AKAP9: variants seen among roughly 807,000 people sequenced by gnomAD.
AKAP9 encodes A-kinase anchoring protein 9.
Under a neutral mutation model 488.5 loss-of-function variants are expected in AKAP9, and 311 were observed. The observed-to-expected ratio is 0.64, with a 90% CI of 0.58 to 0.70. The LOEUF (loss-of-function observed/expected upper bound fraction) is 0.70, where lower values mean the gene tolerates loss of function less well. Ranked by LOEUF, AKAP9 falls within the 30% of genes least tolerant of loss-of-function variation. AKAP9 has a pLI of 0.00. For synonymous variants in AKAP9, 1,462 were observed against 1,483.5 expected (o/e 0.99, Z 0.33); for missense variants, 4,215 against 4,374.5 (o/e 0.96, Z 1.03).
intron 44 of AKAP9, 168 bp downstream of exon 44, chr7:92,100,037 T>C (rs1817264900): frequency 3.3e-6 from 2 of 609,072 alleles, no homozygotes; most frequent in East Asian, 3.0e-5. Context: ...TACTAAGTTA[T>C]AATAATTACT....
At chr7:92,070,525 C>T (rs180850430) in intron 27 of AKAP9, among the ~76,000 whole-genome samples, 6 of 152,048 alleles carry the variant, frequency 3.9e-5, no homozygotes, top group Admixed American at 3.9e-4. Context: ...ACCTCCACCT[C>T]CCGAGTTCAA....
intron 3 of AKAP9, among the ~76,000 whole-genome samples, chr7:91,981,019 A>G (rs1796348337): frequency 6.6e-6 from 1 of 152,214 alleles, no homozygotes; most frequent in Non-Finnish European, 1.5e-5. Flanking sequence ...TCTTAAATGA[A>G]CGTATTACTG....
At chr7:91,948,897 C>T (rs981635813) in intron 1 of AKAP9, among the ~76,000 whole-genome samples, 3 of 150,484 alleles carry the variant, frequency 2.0e-5, no homozygotes, top group Non-Finnish European at 4.4e-5. Context: ...TACAGGCATC[C>T]ACCACCATGC....
chr7:91,992,312 G>T, intron 4 of AKAP9, 101 bp downstream of exon 4: 1 of 878,952 alleles, frequency 1.1e-6, no homozygotes, highest in Non-Finnish European at 1.9e-6. Flanking sequence ...CTTTCTGTGT[G>T]TGATTTCAAA....
intron 21 of AKAP9, among the ~76,000 whole-genome samples, chr7:92,049,005 T>C (rs573934155): frequency 3.3e-5 from 5 of 152,324 alleles, no homozygotes; most frequent in South Asian, 4.1e-4. Flanking sequence ...GTGGTTTCCA[T>C]TGGAGCCATT....
At chr7:91,975,656 A>G (rs1159918626) in intron 2 of AKAP9, among the ~76,000 whole-genome samples, 2 of 152,144 alleles carry the variant, frequency 1.3e-5, no homozygotes, top group East Asian at 3.9e-4. Context: ...AAGATATAAG[A>G]CAATGTTGAA....
chr7:92,077,092 C>CTTTTTTTTTTTTTTTTT lies in AKAP9; in HGVS notation c.6765+88_6765+89insTTTTTTTTTTTTTTTTT, dbSNP rs201649179. On this transcript the variant is annotated intron_variant, in intron 29 of 49. Transcript: ENST00000356239. ...TTTATTATTATTATTATTATTATTT[C>CTTTTTTTTTTTTTTTTT]TTTCTTTTTTTTTTTTTTTTTGAGA... 4 of 296,970 alleles carry CTTTTTTTTTTTTTTTTT rather than the reference C, an allele frequency of 1.3e-5. 1 individual carries two copies. Among genetic ancestry groups the CTTTTTTTTTTTTTTTTT allele is most frequent in the African/African-American group, 1.2e-4 (4 of 32,574 alleles). The allele number at this position is 296,970 out of a possible 1,614,324, so 18.4% of individuals were successfully genotyped here.
In AKAP9 at chr7:92,002,884, A is replaced by C. The variant is rs193135042; in HGVS notation, c.2967A>C (p.Gln989His). The C allele has an allele frequency of 6.2e-7, 1 of 1,612,740 alleles. No homozygotes were observed. Among genetic ancestry groups the C allele is most frequent in the Admixed American group, 1.7e-5 (1 of 59,840 alleles). ...EVKSLKQEKE[Q>H]VSLRCRELEI... ...AATCTTTAAAGCAAGAGAAAGAACA[A>C]GTTTCATTGAGATGTAGAGAGCTAG... The change falls in exon 8 of 50, where the codon CAA becomes CAC. Residue 989 changes from glutamine (Q) to histidine (H), a missense_variant. By Grantham distance (24) the Gln-to-His change is conservative (BLOSUM62 0). Around this residue, in one of 5 missense-constraint regions of AKAP9, gnomAD observed 2,361 missense variants for 2,430.0 expected, o/e 0.97. Coordinates refer to ENST00000356239, the MANE Select transcript of AKAP9 (RefSeq NM_005751.5).
At chr7:92,009,137 A>G (rs28399886) in intron 8 of AKAP9, among the ~76,000 whole-genome samples, 60,518 of 151,784 alleles carry the variant, frequency 0.4, 12,349 homozygotes, top group African/African-American at 0.46. Context: ...TGGGCAATAT[A>G]GCAAGATGCC....
At chr7:92,039,799 AC>A (rs1805765541) in intron 17 of AKAP9, among the ~76,000 whole-genome samples, 1 of 151,742 alleles carries the variant, frequency 6.6e-6, no homozygotes, top group African/African-American at 2.4e-5. Context: ...ACATGGTAAA[AC>A]CCCCTCTCTA....
chr7:92,095,818 T>G (rs141284180), intron 40 of AKAP9, among the ~76,000 whole-genome samples: 1 of 152,326 alleles, frequency 6.6e-6, no homozygotes, highest in East Asian at 1.9e-4. Flanking sequence ...TCCACTGTGT[T>G]AGCCTCCAGG....
chr7:92,025,949 C>T (rs1441144441), intron 14 of AKAP9, among the ~76,000 whole-genome samples: 1 of 152,148 alleles, frequency 6.6e-6, no homozygotes, highest in African/African-American at 2.4e-5. Flanking sequence ...AGTGATATAA[C>T]TAAAATGCTG....
chr7:92,020,401 C>G (rs1802152045), intron 12 of AKAP9, among the ~76,000 whole-genome samples: 1 of 152,104 alleles, frequency 6.6e-6, no homozygotes, highest in South Asian at 2.1e-4. Flanking sequence ...AATGTTTACT[C>G]CCTCTGTGTC....
chr7:91,995,537 A>C (rs1254473028), intron 6 of AKAP9, 66 bp from the exon 7 acceptor site: 1 of 1,417,102 alleles, frequency 7.1e-7, no homozygotes, highest in African/African-American at 1.4e-5. Context: ...GGACACCCCA[A>C]AGGTGTCTGT....
intron 9 of AKAP9, among the ~76,000 whole-genome samples, chr7:92,013,176 A>G (rs1428642000): frequency 6.6e-6 from 1 of 150,418 alleles, no homozygotes; most frequent in Non-Finnish European, 1.5e-5. Flanking sequence ...TATTTTTAGT[A>G]GAGACGGGGT....
At chr7:92,029,764 A>G in intron 14 of AKAP9, 131 bp from the exon 15 acceptor site, 1 of 695,716 alleles carries the variant, frequency 1.4e-6, no homozygotes, top group Non-Finnish European at 2.6e-6. Flanking sequence ...TTTAACTTGC[A>G]ATACCTATAA....
At position 92,016,879 on chromosome 7, in the gene AKAP9, A is replaced by G. The variant is rs183055277; in HGVS notation, c.3752-138A>G. 279 of 648,498 alleles carry G rather than the reference A, an allele frequency of 4.3e-4. 1 individual carries two copies. Among genetic ancestry groups the G allele is most frequent in the African/African-American group, 3.0e-3 (163 of 54,782 alleles). 40.2% of individuals were successfully genotyped at this position (648,498 alleles called of 1,614,324 possible). Reference sequence around the variant, plus strand: ...GGCATTTCACATGAATGAGATTTCAATTTTCAGTTACTAAATATCTGAGGT... The same window carrying G: ...GGCATTTCACATGAATGAGATTTCAGTTTTCAGTTACTAAATATCTGAGGT... On this transcript the variant is annotated intron_variant, in intron 11 of 49. Transcript: ENST00000356239.
chr7:92,089,633 A>G (rs770594086), intron 38 of AKAP9, 104 bp downstream of exon 38: 5 of 1,248,556 alleles, frequency 4.0e-6, no homozygotes, highest in South Asian at 2.6e-5. Context: ...TCTTGGTCAC[A>G]TTTTCTTCTC....
chr7:92,038,844 A>T, intron 17 of AKAP9, 72 bp downstream of exon 17: 1 of 1,006,002 alleles, frequency 9.9e-7, no homozygotes, highest in Admixed American at 2.2e-5. Flanking sequence ...AAATATTAGC[A>T]ATAGTGCTGC....
Sources: gnomAD v4.1 joint callset for allele counts (sites outside exome capture counted in the v4.1 genomes callset) on GRCh38, gnomAD v4.1.1 for gene constraint, gnomAD v4.1.1 regional missense constraint, MANE v1.5 for transcripts, NCBI Gene and HGNC (gene_info 2026-07-23, HGNC 2026-07-21) for gene names.